Variants in KHDRBS2 observed in about 807,000 individuals in gnomAD.
KHDRBS2 encodes KH domain-containing, RNA-binding, signal transduction-associated protein 2.
Under a neutral mutation model 44.3 loss-of-function variants are expected in KHDRBS2, and 26 were observed. That is an observed-to-expected ratio of 0.59 (90% CI 0.43 to 0.81). The LOEUF (loss-of-function observed/expected upper bound fraction) is 0.81, where lower values mean the gene tolerates loss of function less well. Ranked by LOEUF, KHDRBS2 falls within the 40% of genes least tolerant of loss-of-function variation. The pLI is 0.00. For missense variants in KHDRBS2, 476 were observed against 433.1 expected, an observed-to-expected ratio of 1.10 and a Z score of -0.88; for synonymous variants, 194 against 151.1, an observed-to-expected ratio of 1.28 and a Z score of -2.08.
At chr6:61,647,065 C>T in the KHDRBS2 span, among the ~76,000 whole-genome samples, 3 of 152,040 alleles carry the variant, frequency 2.0e-5, no homozygotes, top group South Asian at 2.1e-4. Flanking sequence ...GTGATCCACC[C>T]GCCTCGGCCT....
rs1415877251 is a variant in KHDRBS2 at position 62,286,132 on chromosome 6, C to G, written c.-184G>C. 2 of 575,026 alleles carry G rather than the reference C, an allele frequency of 3.5e-6. No homozygotes were observed. Among genetic ancestry groups the G allele is most frequent in the Middle Eastern group, 4.4e-4 (1 of 2,262 alleles). The allele number at this position is 575,026 out of a possible 1,614,324, so 35.6% of individuals were successfully genotyped here. ...CTCCCGCCGTCGGGCTGCGTGGCCC[C>G]GCGCCCACACCTGCCCGTCCCTTCC... On this transcript the variant is annotated 5_prime_UTR_variant, in exon 1 of 9. Transcript: ENST00000281156.
At chr6:61,787,025 T>C (rs757813933) in intron 6 of KHDRBS2, among the ~76,000 whole-genome samples, 9 of 148,700 alleles carry the variant, frequency 6.1e-5, no homozygotes, top group Non-Finnish European at 1.0e-4. Context: ...TATTTTATAA[T>C]GTAGTTTATA....
intron 2 of KHDRBS2, among the ~76,000 whole-genome samples, chr6:62,086,599 G>A (rs925044436): frequency 1.3e-5 from 2 of 152,116 alleles, no homozygotes; most frequent in African/African-American, 2.4e-5. Context: ...GATTCCCCTT[G>A]AACCACACAA....
intron 1 of KHDRBS2, among the ~76,000 whole-genome samples, chr6:62,247,299 T>C (rs538962050): frequency 5.3e-5 from 8 of 152,104 alleles, no homozygotes; most frequent in African/African-American, 1.4e-4. Flanking sequence ...TGTAAGCATA[T>C]ATTCTTTTTG....
the KHDRBS2 span, among the ~76,000 whole-genome samples, chr6:61,672,018 C>T: frequency 6.7e-6 from 1 of 150,158 alleles, no homozygotes; most frequent in African/African-American, 2.4e-5. Context: ...CACAACAGTC[C>T]CCAGAGTGTG....
chr6:61,855,748 T>C (rs1025739141), intron 6 of KHDRBS2, among the ~76,000 whole-genome samples: 2 of 152,026 alleles, frequency 1.3e-5, no homozygotes, highest in African/African-American at 4.8e-5. Flanking sequence ...AACAGCAGTC[T>C]ATAGATAAAT....
chr6:62,256,605 A>C (rs570440642), intron 1 of KHDRBS2, among the ~76,000 whole-genome samples: 1 of 152,102 alleles, frequency 6.6e-6, no homozygotes, highest in East Asian at 1.9e-4. Flanking sequence ...CTCTCTTGTA[A>C]ATTGCCCAGT....
chr6:62,166,313 TAC>T (rs1818677912), intron 2 of KHDRBS2, among the ~76,000 whole-genome samples: 2 of 152,158 alleles, frequency 1.3e-5, no homozygotes, highest in African/African-American at 4.8e-5. Context: ...GGTAATATTT[TAC>T]AGTTTTCCAA....
chr6:61,700,429 A>ACAAATATC (rs1288235916), intron 7 of KHDRBS2, among the ~76,000 whole-genome samples: 2 of 149,990 alleles, frequency 1.3e-5, no homozygotes, highest in Admixed American at 6.8e-5. Context: ...AGAGCATACT[A>ACAAATATC]GATATTTGTA....
intron 2 of KHDRBS2, among the ~76,000 whole-genome samples, chr6:62,089,462 T>C (rs575367816): frequency 4.5e-4 from 69 of 152,210 alleles, no homozygotes; most frequent in Admixed American, 1.6e-3. Context: ...ATGATCCAGC[T>C]TCCCTTGGCT....
chr6:62,096,725 C>T (rs1338522697), intron 2 of KHDRBS2, among the ~76,000 whole-genome samples: 1 of 151,630 alleles, frequency 6.6e-6, no homozygotes, highest in African/African-American at 2.4e-5. Flanking sequence ...CTTATCTCTG[C>T]TCTTATCTTT....
intron 1 of KHDRBS2, among the ~76,000 whole-genome samples, chr6:62,190,205 C>T (rs981342563): frequency 6.6e-6 from 1 of 152,142 alleles, no homozygotes; most frequent in African/African-American, 2.4e-5. Flanking sequence ...AATCAACTGA[C>T]TCATCCTACT....
intron 6 of KHDRBS2, among the ~76,000 whole-genome samples, chr6:61,812,356 G>A (rs563190980): frequency 1.2e-4 from 18 of 152,034 alleles, no homozygotes; most frequent in Non-Finnish European, 2.5e-4. Flanking sequence ...CATGGTAGGT[G>A]CTCAATAAAT....
the KHDRBS2 span, among the ~76,000 whole-genome samples, chr6:61,588,274 G>C: frequency 0.011 from 1,679 of 152,226 alleles, 31 homozygotes; most frequent in African/African-American, 0.039. Context: ...AAAAGCAACA[G>C]TAAGATAAAG....
At chr6:61,609,607 C>T in the KHDRBS2 span, among the ~76,000 whole-genome samples, 525 of 152,144 alleles carry the variant, frequency 3.5e-3, 4 homozygotes, top group African/African-American at 0.012. Flanking sequence ...GCTATTCTAC[C>T]ATTTTCTAAA....
At chr6:61,646,220 C>T in the KHDRBS2 span, among the ~76,000 whole-genome samples, 2 of 152,110 alleles carry the variant, frequency 1.3e-5, no homozygotes, top group Admixed American at 1.3e-4. Flanking sequence ...ATCTTTCTTT[C>T]TGGCAGTTTT....
intron 3 of KHDRBS2, among the ~76,000 whole-genome samples, chr6:62,012,303 T>G (rs190930419): frequency 5.4e-4 from 83 of 152,316 alleles, no homozygotes; most frequent in African/African-American, 1.9e-3. Flanking sequence ...TTCTCTCTTT[T>G]TTAGAGTTCT....
chr6:62,242,914 T>C (rs1321536062), intron 1 of KHDRBS2, among the ~76,000 whole-genome samples: 1 of 152,118 alleles, frequency 6.6e-6, no homozygotes, highest in Non-Finnish European at 1.5e-5. Flanking sequence ...CTTTGTCAGG[T>C]GCCACAACCA....
chr6:61,797,588 T>C (rs113037329), intron 6 of KHDRBS2, among the ~76,000 whole-genome samples: 1 of 152,066 alleles, frequency 6.6e-6, no homozygotes, highest in African/African-American at 2.4e-5. Context: ...AGAGCCTCCC[T>C]GGGAAATGTC....
Sources: gnomAD v4.1 joint callset for allele counts (sites outside exome capture counted in the v4.1 genomes callset) on GRCh38, gnomAD v4.1.1 for gene constraint, MANE v1.5 for transcripts, NCBI Gene and HGNC (gene_info 2026-07-23, HGNC 2026-07-21) for gene names.